PRKG1: variants seen among roughly 807,000 people sequenced by gnomAD.
PRKG1 encodes the protein protein kinase cGMP-dependent 1.
A neutral mutation model predicts 88.1 loss-of-function variants in PRKG1; 35 were observed. That is an observed-to-expected ratio of 0.40 (90% CI 0.30 to 0.53). PRKG1 has a LOEUF of 0.53. Among genes scored for constraint, PRKG1 ranks in the 20% least tolerant of loss-of-function variants. The probability of loss-of-function intolerance (pLI) is 0.59; values close to 1 mark genes in which losing one functional copy is unlikely to be tolerated. For missense variants in PRKG1, 540 were observed against 839.8 expected (o/e 0.64, Z 4.41); for synonymous variants, 303 against 292.5 (o/e 1.04, Z -0.37).
intron 2 of PRKG1, among the ~76,000 whole-genome samples, chr10:51,216,408 C>T (rs183128810): frequency 2.9e-4 from 44 of 152,246 alleles, no homozygotes; most frequent in East Asian, 9.6e-4. Context: ...GTTTGGACTC[C>T]GGAGCCAGAC....
Position 51,673,149 on chromosome 10 carries a change from G to A in PRKG1, c.593-131436G>A, listed in dbSNP as rs558354729. ...ATAAATGTGTACTGACAACTTGCTA[G>A]GTGCCTGGCACTAAAAAACAGAGCA... On this transcript the variant is annotated intron_variant, in intron 3 of 17. Transcript: ENST00000373980. 2.0e-5 allele frequency among the ~76,000 whole-genome samples: 3 copies of A among 152,212 alleles called. No individual in the cohort carries two copies. The South Asian group carries it at 6.2e-4, about 32-fold the overall frequency.
At chr10:51,120,504 T>G (rs1402567218) in intron 1 of PRKG1, among the ~76,000 whole-genome samples, 2 of 152,122 alleles carry the variant, frequency 1.3e-5, no homozygotes, top group African/African-American at 2.4e-5. Flanking sequence ...TCCTTCTACA[T>G]TTTCTGGCCC....
intron 3 of PRKG1, chr10:51,698,401 C>T (rs1564611868): frequency 6.2e-7 from 1 of 1,614,014 alleles, no homozygotes; most frequent in South Asian, 1.1e-5. Context: ...CTCCTAATGG[C>T]CCTCCCCTCA....
intron 2 of PRKG1, among the ~76,000 whole-genome samples, chr10:51,314,489 A>C (rs1841271619): frequency 6.6e-6 from 1 of 152,226 alleles, no homozygotes; most frequent in Non-Finnish European, 1.5e-5. Context: ...GCCACTTGTC[A>C]TTCACAGCTA....
chr10:52,264,821 C>A (rs1841531935), intron 10 of PRKG1, among the ~76,000 whole-genome samples: 1 of 151,968 alleles, frequency 6.6e-6, no homozygotes, highest in African/African-American at 2.4e-5. Flanking sequence ...TAACAGAAAC[C>A]AATCCCTTCA....
At chr10:51,413,846 T>G (rs1160661129) in intron 2 of PRKG1, among the ~76,000 whole-genome samples, 1 of 152,208 alleles carries the variant, frequency 6.6e-6, no homozygotes, top group Non-Finnish European at 1.5e-5. Flanking sequence ...TTTTTGTTTC[T>G]TTGCTGAGTT....
intron 1 of PRKG1, among the ~76,000 whole-genome samples, chr10:51,118,635 G>C (rs529055013): frequency 1.2e-4 from 18 of 151,940 alleles, no homozygotes; most frequent in African/African-American, 4.3e-4. Flanking sequence ...TCAGTTTTTC[G>C]AATGAGTACT....
intron 2 of PRKG1, among the ~76,000 whole-genome samples, chr10:51,330,190 G>A (rs770531474): frequency 2.8e-5 from 4 of 141,208 alleles, no homozygotes; most frequent in Non-Finnish European, 4.5e-5. Context: ...TCACTCTGTT[G>A]CTCAGGCTGG....
At chr10:51,238,917 TA>T (rs1405227859) in intron 2 of PRKG1, among the ~76,000 whole-genome samples, 22 of 152,148 alleles carry the variant, frequency 1.4e-4, no homozygotes, top group Non-Finnish European at 1.5e-5. Context: ...CAATAATTTT[TA>T]TTTTTTTTTT....
intron 13 of PRKG1, 94 bp downstream of exon 13, chr10:52,281,024 C>G: frequency 4.3e-6 from 6 of 1,403,920 alleles, no homozygotes; most frequent in Non-Finnish European, 5.8e-6. Context: ...CTGAGTTTTC[C>G]TTTTCAATGT....
At chr10:51,884,395 A>C (rs1285330574) in intron 4 of PRKG1, among the ~76,000 whole-genome samples, 1 of 127,300 alleles carries the variant, frequency 7.9e-6, no homozygotes, top group Non-Finnish European at 1.6e-5. Flanking sequence ...CAGTGAGTCG[A>C]GATCGCGCCA....
intron 3 of PRKG1, among the ~76,000 whole-genome samples, chr10:51,505,163 T>G (rs78808220): frequency 0.26 from 38,753 of 151,956 alleles, 5,260 homozygotes; most frequent in Non-Finnish European, 0.31. Context: ...CCTAATTTAT[T>G]GAGAGTTTTT....
At chr10:52,022,923 T>G (rs765750507) in intron 5 of PRKG1, among the ~76,000 whole-genome samples, 22 of 152,134 alleles carry the variant, frequency 1.4e-4, no homozygotes, top group Admixed American at 3.9e-4. Context: ...GTGAGGGTGT[T>G]TTTTTAATTA....
intron 4 of PRKG1, among the ~76,000 whole-genome samples, chr10:51,884,835 A>C (rs555420823): frequency 6.6e-6 from 1 of 152,294 alleles, no homozygotes; most frequent in African/African-American, 2.4e-5. Flanking sequence ...GGTCTAAGCA[A>C]GTCACCAGCC....
intron 9 of PRKG1, among the ~76,000 whole-genome samples, chr10:52,170,999 A>T (rs576597552): frequency 6.6e-6 from 1 of 152,280 alleles, no homozygotes; most frequent in Non-Finnish European, 1.5e-5. Context: ...GTTTAGTAAC[A>T]TCTTCTGAAA....
At chr10:52,288,907 A>C (rs200771989) in intron 15 of PRKG1, 24 bp from the exon 16 acceptor site, 7 of 1,598,958 alleles carry the variant, frequency 4.4e-6, no homozygotes, top group Middle Eastern at 1.7e-4. Flanking sequence ...ATTAGATTTA[A>C]TAAAACCATT....
At chr10:51,957,360 T>C (rs962763000) in intron 5 of PRKG1, among the ~76,000 whole-genome samples, 7 of 151,654 alleles carry the variant, frequency 4.6e-5, no homozygotes, top group Admixed American at 6.6e-5. Context: ...GGCACAATCA[T>C]AGCTCATTAC....
intron 2 of PRKG1, among the ~76,000 whole-genome samples, chr10:51,308,172 C>G (rs748791935): frequency 3.3e-5 from 5 of 152,116 alleles, no homozygotes; most frequent in Non-Finnish European, 7.4e-5. Context: ...ACTCCTGTAC[C>G]ATTTTTTCGC....
intron 5 of PRKG1, among the ~76,000 whole-genome samples, chr10:51,998,966 A>G (rs1286302998): frequency 6.6e-6 from 1 of 152,208 alleles, no homozygotes; most frequent in Non-Finnish European, 1.5e-5. Context: ...GCTTTTGTCT[A>G]TAAAGAGTGG....
Sources: allele counts gnomAD v4.1 joint callset (sites outside exome capture counted in the v4.1 genomes callset), GRCh38; gene constraint gnomAD v4.1.1; transcripts MANE v1.5; gene names NCBI Gene and HGNC (gene_info 2026-07-23, HGNC 2026-07-21).